The following REPS2 variants were observed in gnomAD, a reference collection of about 807,000 sequenced individuals.
REPS2 encodes the protein ralBP1-associated Eps domain-containing protein 2.
In REPS2, 23 loss-of-function variants were observed where a neutral mutation model predicts 53.6. The ratio of observed to expected loss-of-function variants is 0.43; its 90% confidence interval spans 0.31 to 0.61. REPS2 has a LOEUF of 0.61. REPS2 is among the 20% of genes least tolerant of loss of function. The probability of loss-of-function intolerance (pLI) is 0.11; values close to 1 mark genes in which losing one functional copy is unlikely to be tolerated. For missense variants in REPS2, 446 were observed against 534.9 expected (o/e 0.83, Z 1.64); for synonymous variants, 238 against 218.6 (o/e 1.09, Z -0.78).
chrX:17,015,601 C>T (rs1358981897), intron 2 of REPS2, among the ~76,000 whole-genome samples: 17 of 108,618 alleles, frequency 1.6e-4, no homozygotes, highest in Admixed American at 4.9e-4. Context: ...GTGATGTTCC[C>T]CTTCCTGTGT....
At chrX:16,960,979 T>C (rs1046587482) in intron 1 of REPS2, among the ~76,000 whole-genome samples, 23 of 112,589 alleles carry the variant, frequency 2.0e-4, no homozygotes, top group African/African-American at 6.8e-4. Flanking sequence ...AGATATGCCA[T>C]GTTTATGCAT....
the REPS2 span, among the ~76,000 whole-genome samples, chrX:17,174,387 T>A: frequency 1.8e-5 from 2 of 112,004 alleles, no homozygotes; most frequent in Admixed American, 1.9e-4. Context: ...GCTTTAAAAA[T>A]GACAGATGCC....
intron 5 of REPS2, among the ~76,000 whole-genome samples, chrX:17,043,179 G>C: frequency 9.0e-6 from 1 of 111,422 alleles, no homozygotes; most frequent in Non-Finnish European, 1.9e-5. Context: ...AGGGGAAAGA[G>C]ATGGGGGGGT....
the REPS2 span, among the ~76,000 whole-genome samples, chrX:17,194,230 G>A: frequency 1.8e-5 from 2 of 111,446 alleles, no homozygotes; most frequent in Non-Finnish European, 3.8e-5. Context: ...GATTTTTTCG[G>A]GGGTAAAGAT....
At chrX:16,999,701 G>T (rs781176320) in intron 1 of REPS2, among the ~76,000 whole-genome samples, 3 of 111,866 alleles carry the variant, frequency 2.7e-5, no homozygotes, top group East Asian at 2.8e-4. Context: ...AATGCATAAA[G>T]ATGTTTTCAA....
At position 17,078,183 on chromosome X, in the gene REPS2, C is replaced by G. The variant is rs1008671509; in HGVS notation, c.1516+776C>G. On this transcript the variant is annotated intron_variant, in intron 13 of 17. Coordinates refer to ENST00000357277, the MANE Select transcript of REPS2 (RefSeq NM_004726.3). ...TTTGGGAGCAGCAAGGGCCTTTCCA[C>G]TGACTCATGCAGGCAAGCTATAAAT... Among the ~76,000 whole-genome samples the G allele has an allele frequency of 2.7e-5, 3 of 112,473 alleles. No homozygotes were observed. The Admixed American group carries it at 2.8e-4, about 10-fold the overall frequency.
At chrX:17,012,530 A>T (rs1324993567) in intron 2 of REPS2, among the ~76,000 whole-genome samples, 1 of 111,512 alleles carries the variant, frequency 9.0e-6, no homozygotes, top group East Asian at 2.8e-4. Flanking sequence ...ATAGTAGGGA[A>T]AATGAAGTTG....
At chrX:17,019,003 T>C (rs1279420495) in intron 2 of REPS2, among the ~76,000 whole-genome samples, 2 of 110,350 alleles carry the variant, frequency 1.8e-5, no homozygotes, top group Non-Finnish European at 3.8e-5. Context: ...GAAGGGGTCT[T>C]ACTGTGTTGT....
chrX:16,956,443 ACGT>A (rs773426523), intron 1 of REPS2, among the ~76,000 whole-genome samples: 174 of 108,989 alleles, frequency 1.6e-3, no homozygotes, highest in African/African-American at 5.3e-3. Flanking sequence ...CTGGGACTAC[ACGT>A]GCATGCCACC....
Position 16,947,010 on chromosome X carries a change from G to T in REPS2, c.149G>T (p.Gly50Val), listed in dbSNP as rs774709796. Reference sequence around the variant, plus strand: ...TTCGCGCGCTGTGCCGGCGCCGCGGGCGGGGGCCCCGGGTCTGGGCCCCCC... The same window carrying T: ...TTCGCGCGCTGTGCCGGCGCCGCGGTCGGGGGCCCCGGGTCTGGGCCCCCC... ...ELFARCAGAA[G>V]GGPGSGPPEA... The change falls in exon 1 of 18, where the codon GGC becomes GTC. Residue 50 changes from glycine to valine, a missense_variant. By Grantham distance (109) the Gly-to-Val change is moderately radical. Transcript: ENST00000357277. 3.2e-6 allele frequency: 3 copies of T among 943,816 alleles called. No individual in the cohort carries two copies. The highest frequency in any genetic ancestry group is 9.5e-5 in the South Asian group (2 of 21,108). 77.8% of individuals were successfully genotyped at this position (943,816 alleles called of 1,213,427 possible). A position where few individuals can be genotyped will look rare whatever the true frequency, so the allele number is the denominator to read the frequency against.
chrX:16,988,780 A>C (rs1441576440), intron 1 of REPS2, among the ~76,000 whole-genome samples: 1 of 112,366 alleles, frequency 8.9e-6, no homozygotes, highest in East Asian at 2.8e-4. Flanking sequence ...TTGTATGCTG[A>C]AAACTACAAA....
At chrX:16,987,623 A>T (rs1200924384) in intron 1 of REPS2, among the ~76,000 whole-genome samples, 1 of 112,006 alleles carries the variant, frequency 8.9e-6, no homozygotes, top group Non-Finnish European at 1.9e-5. Context: ...GATGGTAAAT[A>T]TTTTAACCCC....
At chrX:17,022,501 T>C (rs1470106944) in intron 3 of REPS2, 1 of 266,976 alleles carries the variant, frequency 3.7e-6, no homozygotes, top group East Asian at 5.7e-5. Flanking sequence ...TAGAATTGTG[T>C]CTAAAATAAG....
At chrX:17,154,478 A>G (rs2063596471), downstream of REPS2, among the ~76,000 whole-genome samples, 1 of 111,957 alleles carries the variant, frequency 8.9e-6, no homozygotes, top group Non-Finnish European at 1.9e-5. Context: ...TATGTTGTAT[A>G]AGGGTAGGAC....
chrX:17,054,504 G>A (rs1041629012), intron 7 of REPS2, among the ~76,000 whole-genome samples: 1 of 112,219 alleles, frequency 8.9e-6, no homozygotes, highest in African/African-American at 3.2e-5. Flanking sequence ...GGACTTCTGG[G>A]TATCATTTTT....
At chrX:17,191,457 C>A in the REPS2 span, among the ~76,000 whole-genome samples, 1 of 112,261 alleles carries the variant, frequency 8.9e-6, no homozygotes, top group South Asian at 3.7e-4. Context: ...CTAAGATGTA[C>A]AACAATTGGA....
chrX:17,133,782 G>GTGGTTT (rs1202488220), intron 14 of REPS2, 42 bp from the exon 15 acceptor site: 1 of 1,068,601 alleles, frequency 9.4e-7, no homozygotes, highest in Non-Finnish European at 1.3e-6. Context: ...TTAGGTGATT[G>GTGGTTT]TGGTTTTGCA....
chrX:17,007,344 C>T (rs1315580155), intron 2 of REPS2, among the ~76,000 whole-genome samples: 1 of 112,395 alleles, frequency 8.9e-6, no homozygotes, highest in Non-Finnish European at 1.9e-5. Flanking sequence ...GTGCCAGACA[C>T]TTTCATTTAA....
chrX:17,019,376 G>A (rs2061541044), intron 2 of REPS2, among the ~76,000 whole-genome samples: 1 of 112,198 alleles, frequency 8.9e-6, no homozygotes, highest in African/African-American at 3.2e-5. Flanking sequence ...CTCTTACTTT[G>A]TTTGCTGTGT....
Sources: allele counts gnomAD v4.1 joint callset (sites outside exome capture counted in the v4.1 genomes callset), GRCh38; gene constraint gnomAD v4.1.1; transcripts MANE v1.5; gene names NCBI Gene and HGNC (gene_info 2026-07-23, HGNC 2026-07-21).